Variants in ROBO1 observed in about 807,000 individuals in gnomAD.
The protein encoded by ROBO1 is roundabout guidance receptor 1, also known as roundabout homolog 1.
A neutral mutation model predicts 195.9 loss-of-function variants in ROBO1; 149 were observed. The ratio of observed to expected loss-of-function variants is 0.76; its 90% confidence interval spans 0.67 to 0.87. The LOEUF is 0.87. Among genes scored for constraint, ROBO1 ranks in the 40% least tolerant of loss-of-function variants. The pLI is 0.00. For synonymous variants in ROBO1, 816 were observed against 733.2 expected (o/e 1.11, Z -1.82); for missense variants, 1,933 against 2,068.3 (o/e 0.93, Z 1.27).
chr3:79,570,038 C>T (rs1392090713), intron 2 of ROBO1, among the ~76,000 whole-genome samples: 2 of 151,986 alleles, frequency 1.3e-5, no homozygotes, highest in Non-Finnish European at 2.9e-5. Context: ...GAGGTCAAGG[C>T]TGCAGTGAGC....
intron 1 of ROBO1, among the ~76,000 whole-genome samples, chr3:79,707,199 A>G (rs544959802): frequency 5.6e-4 from 85 of 152,166 alleles, no homozygotes; most frequent in African/African-American, 1.9e-3. Context: ...ATACTGATTG[A>G]TTCTTTCTTC....
intron 2 of ROBO1, among the ~76,000 whole-genome samples, chr3:79,455,254 A>G (rs1245084543): frequency 6.6e-6 from 1 of 152,040 alleles, no homozygotes; most frequent in African/African-American, 2.4e-5. Flanking sequence ...TTTAACACTT[A>G]CCTCTGTGGA....
At chr3:79,171,149 A>G (rs958626479) in intron 2 of ROBO1, among the ~76,000 whole-genome samples, 1 of 149,930 alleles carries the variant, frequency 6.7e-6, no homozygotes, top group Admixed American at 6.7e-5. Context: ...ATATAAATGT[A>G]TAATTAAATA....
intron 2 of ROBO1, among the ~76,000 whole-genome samples, chr3:79,384,707 C>T (rs2036679121): frequency 6.6e-6 from 1 of 151,932 alleles, no homozygotes; most frequent in South Asian, 2.1e-4. Flanking sequence ...TGTTGCATTA[C>T]AATCTGTTTA....
At chr3:79,258,115 A>C (rs967283555) in intron 2 of ROBO1, among the ~76,000 whole-genome samples, 1 of 152,152 alleles carries the variant, frequency 6.6e-6, no homozygotes, top group African/African-American at 2.4e-5. Context: ...TGCTAAATTA[A>C]ATGGAAAAAT....
chr3:78,828,348 G>C (rs1381344026), intron 4 of ROBO1, among the ~76,000 whole-genome samples: 2 of 152,084 alleles, frequency 1.3e-5, no homozygotes, highest in Non-Finnish European at 2.9e-5. Context: ...ATTTCCAATA[G>C]GGCAAAAGGT....
intron 2 of ROBO1, among the ~76,000 whole-genome samples, chr3:79,572,541 T>C (rs945035251): frequency 6.6e-6 from 1 of 152,098 alleles, no homozygotes; most frequent in Non-Finnish European, 1.5e-5. Context: ...AAACTATGCT[T>C]ATCTTTTTTT....
intron 5 of ROBO1, among the ~76,000 whole-genome samples, chr3:78,725,980 C>G (rs1364635059): frequency 6.6e-6 from 1 of 151,868 alleles, no homozygotes; most frequent in African/African-American, 2.4e-5. Flanking sequence ...TATCCATACA[C>G]CTCTAGGTTA....
In ROBO1 at chr3:79,527,114, T is replaced by C. The variant is rs146707659; in HGVS notation, c.88+62710A>G. Among the ~76,000 whole-genome samples, 297 of 152,298 alleles carry C rather than the reference T, an allele frequency of 2.0e-3. 1 individual carries two copies. Among genetic ancestry groups the C allele is most frequent in the Admixed American group, 0.018 (276 of 15,288 alleles). ...TCCAAACCAATGTGAGTAGATATTA[T>C]GTTATTTAATTTTATTCAAAGAAAC... On this transcript the variant is annotated intron_variant, in intron 2 of 30. Coordinates refer to ENST00000464233, the MANE Select transcript of ROBO1 (RefSeq NM_002941.4).
At chr3:79,744,673 T>G (rs2107444395) in intron 1 of ROBO1, among the ~76,000 whole-genome samples, 1 of 152,272 alleles carries the variant, frequency 6.6e-6, no homozygotes, top group South Asian at 2.1e-4. Context: ...GCCACCCGGT[T>G]TATTGTATTG....
At chr3:78,709,857 T>A (rs2081639479) in intron 8 of ROBO1, among the ~76,000 whole-genome samples, 1 of 152,214 alleles carries the variant, frequency 6.6e-6, no homozygotes, top group South Asian at 2.1e-4. Context: ...ATGGAAATTG[T>A]GACAAAAAAC....
chr3:79,641,175 G>A (rs1250282335), intron 1 of ROBO1, among the ~76,000 whole-genome samples: 1 of 152,102 alleles, frequency 6.6e-6, no homozygotes, highest in African/African-American at 2.4e-5. Context: ...CTGTCCCAGA[G>A]TAATGAGGTA....
intron 1 of ROBO1, among the ~76,000 whole-genome samples, chr3:79,642,738 T>C (rs943777107): frequency 2.6e-5 from 4 of 152,166 alleles, no homozygotes; most frequent in East Asian, 1.9e-4. Context: ...ACTGCCACTA[T>C]ACCTGCATTA....
chr3:78,929,510 T>TTATTTATG (rs1443406573), intron 4 of ROBO1, among the ~76,000 whole-genome samples: 10 of 147,112 alleles, frequency 6.8e-5, no homozygotes, highest in African/African-American at 2.6e-4. Flanking sequence ...ATTTATTTAT[T>TTATTTATG]TATTTATTTA....
intron 2 of ROBO1, among the ~76,000 whole-genome samples, chr3:79,530,752 T>TA (rs1429696177): frequency 1.1e-4 from 13 of 117,402 alleles, no homozygotes; most frequent in East Asian, 1.0e-3. Context: ...CCACACCTTG[T>TA]AACCACACAC....
At chr3:78,670,373 G>T in intron 10 of ROBO1, 72 bp from the exon 11 acceptor site, 1 of 1,293,752 alleles carries the variant, frequency 7.7e-7, no homozygotes, top group Non-Finnish European at 1.1e-6. Context: ...AGCAACAGCA[G>T]TTGTTCTAGG....
At chr3:78,602,926 C>T (rs565042335) in intron 29 of ROBO1, among the ~76,000 whole-genome samples, 1 of 152,244 alleles carries the variant, frequency 6.6e-6, no homozygotes, top group Admixed American at 6.5e-5. Flanking sequence ...ATTATAGATT[C>T]TTCCCTTTCA....
chr3:79,242,809 C>G (rs1335031276), intron 2 of ROBO1, among the ~76,000 whole-genome samples: 1 of 152,002 alleles, frequency 6.6e-6, no homozygotes, highest in Non-Finnish European at 1.5e-5. Flanking sequence ...CTGTGATGTC[C>G]CAGCCACTTA....
intron 8 of ROBO1, among the ~76,000 whole-genome samples, chr3:78,709,481 G>A (rs765982747): frequency 4.6e-5 from 7 of 152,032 alleles, no homozygotes; most frequent in African/African-American, 7.2e-5. Context: ...TTTTATTACA[G>A]TTTGCCTCTT....
Sources: gnomAD v4.1 joint callset for allele counts (sites outside exome capture counted in the v4.1 genomes callset) on GRCh38, gnomAD v4.1.1 for gene constraint, MANE v1.5 for transcripts, NCBI Gene and HGNC (gene_info 2026-07-23, HGNC 2026-07-21) for gene names.